Variants in ZNF729 observed in about 807,000 individuals in gnomAD.
The protein encoded by ZNF729 is zinc finger protein 729.
In ZNF729, 15 loss-of-function variants were observed where a neutral mutation model predicts 12.2. The ratio of observed to expected loss-of-function variants is 1.23; its 90% CI spans 0.82 to 1.89. The LOEUF (loss-of-function observed/expected upper bound fraction) is 1.89, where lower values mean the gene tolerates loss of function less well. Ranked by LOEUF, ZNF729 falls within the 40% of genes most tolerant of loss-of-function variation. The pLI is 0.00. For synonymous variants in ZNF729, 492 were observed against 476.3 expected, an observed-to-expected ratio of 1.03 and a Z score of -0.43; for missense variants, 1,540 against 1,456.7, an observed-to-expected ratio of 1.06 and a Z score of -0.93.
chr19:22,307,080 C>A (rs1468266295), intron 3 of ZNF729, among the ~76,000 whole-genome samples: 1 of 151,278 alleles, frequency 6.6e-6, no homozygotes, highest in Admixed American at 6.6e-5. Flanking sequence ...CTATATGTGT[C>A]TGTATAATTA....
At position 22,315,257 on chromosome 19, in the gene ZNF729, A is replaced by G; in HGVS notation, c.1840A>G (p.Ile614Val). The G allele has an allele frequency of 6.2e-7, 1 of 1,611,668 alleles. No homozygotes were observed. Among genetic ancestry groups the G allele is most frequent in the South Asian group, 1.1e-5 (1 of 90,984 alleles). The change falls in exon 4 of 4, where the codon ATC becomes GTC. Residue 614 changes from isoleucine to valine, a missense_variant. By Grantham distance (29) the Ile-to-Val change is conservative. Coordinates refer to ENST00000601693, the MANE Select transcript of ZNF729 (RefSeq NM_001242680.2). ...TGGCAAAGCTTTTAACAATTCCTCA[A>G]TCCTTGCTAAACATAAGATAATTCA... ...ECGKAFNNSS[I>V]LAKHKIIHTG...
rs1458472892 is a variant in ZNF729 at position 22,313,960 on chromosome 19, A to G, written c.543A>G (p.Lys181=). 6.5e-7 allele frequency: 1 copy of G among 1,537,194 alleles called. No homozygotes were observed. Residue 181 remains lysine (K), a synonymous_variant, in exon 4 of 4, where the codon AAA becomes AAG. Transcript: ENST00000601693. ...GACACACTAAAAAGAAAACTTTCAA[A>G]TGTATAAAATGTAGCAAATCATTTT... ...KVRHTKKKTF[K]CIKCSKSFFM...
At chr19:22,295,874 TGA>T (rs990648112) in intron 1 of ZNF729, among the ~76,000 whole-genome samples, 2 of 152,364 alleles carry the variant, frequency 1.3e-5, no homozygotes, top group African/African-American at 4.8e-5. Flanking sequence ...CTGCATCTAT[TGA>T]GATAATTTTT....
chr19:22,312,956 G>A (rs1241163474), intron 3 of ZNF729, among the ~76,000 whole-genome samples: 7 of 151,928 alleles, frequency 4.6e-5, no homozygotes, highest in African/African-American at 7.3e-5. Flanking sequence ...CAGGTGATCC[G>A]CCCACCTCGG....
intron 3 of ZNF729, among the ~76,000 whole-genome samples, chr19:22,309,212 T>C (rs1019988597): frequency 1.4e-4 from 22 of 152,124 alleles, no homozygotes; most frequent in African/African-American, 5.1e-4. Flanking sequence ...TTTGGGAGGC[T>C]GACATAGGTG....
intron 1 of ZNF729, among the ~76,000 whole-genome samples, chr19:22,295,038 T>TTGTGTGTGTGTGTGTGTGTG (rs71180536): frequency 1.6e-4 from 23 of 144,132 alleles, no homozygotes; most frequent in African/African-American, 5.4e-4. Context: ...TCCTAGATAT[T>TTGTGTGTGTGTGTGTGTGTG]TGTGTGTGTG....
chr19:22,291,480 C>G (rs808369), intron 1 of ZNF729, among the ~76,000 whole-genome samples: 4 of 144,716 alleles, frequency 2.8e-5, no homozygotes, highest in Non-Finnish European at 6.1e-5. Context: ...TTGATCCTAG[C>G]GTTTCTTGCC....
chr19:22,306,921 C>A (rs1475682341), intron 3 of ZNF729, among the ~76,000 whole-genome samples: 1 of 151,462 alleles, frequency 6.6e-6, no homozygotes, highest in African/African-American at 2.4e-5. Flanking sequence ...TTATTTTCAA[C>A]ATGAAAGACT....
chr19:22,286,621 T>G (rs1968081527), intron 1 of ZNF729, 66 bp downstream of exon 1: 2 of 1,605,154 alleles, frequency 1.2e-6, no homozygotes. Context: ...GGGAAGTGGC[T>G]GTGGCGGGAC....
chr19:22,308,498 G>C (rs1968412049), intron 3 of ZNF729, among the ~76,000 whole-genome samples: 1 of 151,976 alleles, frequency 6.6e-6, no homozygotes. Context: ...CAGTGTAGAA[G>C]TGTTCCCTGA....
intron 3 of ZNF729, among the ~76,000 whole-genome samples, chr19:22,311,176 G>T (rs1968445986): frequency 6.6e-6 from 1 of 151,686 alleles, no homozygotes; most frequent in Admixed American, 6.6e-5. Flanking sequence ...TTGTCTGTTG[G>T]TTTGTTTCAA....
intron 3 of ZNF729, among the ~76,000 whole-genome samples, chr19:22,310,820 C>G (rs1968441732): frequency 6.6e-6 from 1 of 152,050 alleles, no homozygotes; most frequent in Non-Finnish European, 1.5e-5. Flanking sequence ...TCTGTCTGGT[C>G]CTAGACTTTT....
Position 22,315,321 on chromosome 19 carries a change from A to G in ZNF729, c.1904A>G (p.Lys635Arg). 1 of 1,613,530 alleles carries G rather than the reference A, an allele frequency of 6.2e-7. No homozygotes were observed. The highest frequency in any genetic ancestry group is 8.5e-7 in the Non-Finnish European group (1 of 1,179,776). ...KKPYKCEECG[K>R]AFRQSSHLTR... Reference sequence around the variant, plus strand: ...CCGTACAAATGTGAAGAATGTGGCAAAGCTTTTAGGCAATCCTCACACCTT... The same window carrying G: ...CCGTACAAATGTGAAGAATGTGGCAGAGCTTTTAGGCAATCCTCACACCTT... Residue 635 changes from lysine (K) to arginine (R), a missense_variant, in exon 4 of 4, where the codon AAA becomes AGA. Lys to Arg is a conservative substitution (Grantham distance 26, BLOSUM62 2). Transcript: ENST00000601693.
At chr19:22,288,745 A>G (rs1020714667) in intron 1 of ZNF729, among the ~76,000 whole-genome samples, 9 of 136,616 alleles carry the variant, frequency 6.6e-5, no homozygotes, top group African/African-American at 1.1e-4. Context: ...TATTGCGGGA[A>G]AAAGCATTGA....
At position 22,294,922 on chromosome 19, in the gene ZNF729, G is replaced by A. The variant is rs1968207940; in HGVS notation, c.30+8367G>A. 1.3e-5 allele frequency among the ~76,000 whole-genome samples: 2 copies of A among 151,880 alleles called. 1 individual carries two copies. Among genetic ancestry groups the A allele is most frequent in the South Asian group, 4.1e-4 (2 of 4,820 alleles). On this transcript the variant is annotated intron_variant, in intron 1 of 3. Coordinates refer to ENST00000601693, the MANE Select transcript of ZNF729 (RefSeq NM_001242680.2). ...CCCACCCGGCTCGGCTTCCCAAAGT[G>A]CTGAGATTACAGGCATGAGCTACCG...
Position 22,315,168 on chromosome 19 carries a change from T to C in ZNF729, c.1751T>C (p.Phe584Ser), listed in dbSNP as rs755668061. ...CEECGKAFKH[F>S]SALRKHKVIH... ...GAATGTGGCAAAGCTTTTAAGCATTTCTCAGCCCTCAGAAAACATAAGGTA... is the reference window on the plus strand; with the variant it reads ...GAATGTGGCAAAGCTTTTAAGCATTCCTCAGCCCTCAGAAAACATAAGGTA... The change falls in exon 4 of 4, where the codon TTC becomes TCC. Residue 584 changes from phenylalanine to serine, a missense_variant. Physicochemically the swap from Phe to Ser is radical, Grantham distance 155. Coordinates refer to ENST00000601693, the MANE Select transcript of ZNF729 (RefSeq NM_001242680.2). The C allele has an allele frequency of 6.6e-5, 106 of 1,610,196 alleles. No homozygotes were observed. Among genetic ancestry groups the C allele is most frequent in the Non-Finnish European group, 8.1e-5 (96 of 1,179,234 alleles).
At chr19:22,305,966 C>T (rs1968372738) in intron 3 of ZNF729, among the ~76,000 whole-genome samples, 1 of 151,360 alleles carries the variant, frequency 6.6e-6, no homozygotes, top group South Asian at 2.1e-4. Context: ...TTAAACCTAG[C>T]TAGTTTTTTT....
intron 1 of ZNF729, among the ~76,000 whole-genome samples, chr19:22,293,842 T>G (rs570885019): frequency 2.0e-5 from 3 of 152,276 alleles, no homozygotes; most frequent in Admixed American, 2.0e-4. Context: ...TCTTGTAAAC[T>G]TAAGTTTTTT....
intron 1 of ZNF729, chr19:22,299,824 C>T (rs1160628548): frequency 2.6e-5 from 4 of 152,242 alleles, no homozygotes; most frequent in Non-Finnish European, 5.9e-5. Context: ...CCCAGGAGGC[C>T]TGCAGGCTCT....
Sources: gnomAD v4.1 joint callset for allele counts (sites outside exome capture counted in the v4.1 genomes callset) on GRCh38, gnomAD v4.1.1 for gene constraint, MANE v1.5 for transcripts, NCBI Gene and HGNC (gene_info 2026-07-23, HGNC 2026-07-21) for gene names.